Variants in UBE2Q2 observed in about 807,000 individuals in gnomAD.
The protein encoded by UBE2Q2 is ubiquitin-conjugating enzyme E2 Q2.
A neutral mutation model predicts 59.9 loss-of-function variants in UBE2Q2; 54 were observed. The observed-to-expected ratio is 0.90, with a 90% CI of 0.72 to 1.13. UBE2Q2 has a LOEUF of 1.13. UBE2Q2 is among the 50% of genes most tolerant of loss of function. UBE2Q2 has a pLI of 0.00. For missense variants in UBE2Q2, 433 were observed against 441.9 expected (o/e 0.98, Z 0.18); for synonymous variants, 165 against 155.2 (o/e 1.06, Z -0.47).
intron 3 of UBE2Q2, among the ~76,000 whole-genome samples, chr15:75,864,469 G>A (rs1897352666): frequency 6.6e-6 from 1 of 152,070 alleles, no homozygotes; most frequent in South Asian, 2.1e-4. Context: ...GGCCCAATAC[G>A]TCAATATTGC....
At chr15:75,880,736 T>A (rs1179830203) in intron 8 of UBE2Q2, among the ~76,000 whole-genome samples, 3 of 152,146 alleles carry the variant, frequency 2.0e-5, no homozygotes, top group Non-Finnish European at 4.4e-5. Flanking sequence ...CCTGACCTCA[T>A]GGTACACTTC....
chr15:75,883,278 T>C, intron 8 of UBE2Q2, 88 bp from the exon 9 acceptor site: 1 of 1,238,400 alleles, frequency 8.1e-7, no homozygotes, highest in Non-Finnish European at 1.1e-6. Context: ...AATGTACACA[T>C]TCTTTATAGT....
chr15:75,850,333 C>T (rs573207793), intron 1 of UBE2Q2, among the ~76,000 whole-genome samples: 1 of 152,246 alleles, frequency 6.6e-6, no homozygotes, highest in East Asian at 1.9e-4. Flanking sequence ...ATGTGTGTTC[C>T]CTCTCCCTTA....
At position 75,879,106 on chromosome 15, in the gene UBE2Q2, C is replaced by T. The variant is rs750193694; in HGVS notation, c.743C>T (p.Pro248Leu). 5.2e-5 allele frequency: 81 copies of T among 1,569,486 alleles called. No homozygotes were observed. Among genetic ancestry groups the T allele is most frequent in the Non-Finnish European group, 6.9e-5 (80 of 1,161,446 alleles). Residue 248 changes from proline (P) to leucine (L), a missense_variant, in exon 8 of 13, where the codon CCT (proline) becomes CTT (leucine). Pro to Leu is a moderately conservative substitution (Grantham distance 98). Transcript: ENST00000267938. ...TGTTTTGTAATTCTTAGGGTTGACC[C>T]TGATAGTCCTTTGCACAGTGATCTT... ...DWHVKLQKVD[P>L]DSPLHSDLQI...
At chr15:75,858,779 A>C (rs1179504171) in intron 2 of UBE2Q2, among the ~76,000 whole-genome samples, 3 of 152,172 alleles carry the variant, frequency 2.0e-5, no homozygotes, top group Non-Finnish European at 2.9e-5. Context: ...CTTAGCACGC[A>C]ATAGAGTGTA....
intron 3 of UBE2Q2, among the ~76,000 whole-genome samples, chr15:75,866,902 A>G (rs1897519984): frequency 6.6e-6 from 1 of 152,186 alleles, no homozygotes; most frequent in Non-Finnish European, 1.5e-5. Flanking sequence ...TATTTCCTTC[A>G]TTAGTAATGC....
At chr15:75,856,801 G>A (rs901234216) in intron 2 of UBE2Q2, among the ~76,000 whole-genome samples, 13 of 152,160 alleles carry the variant, frequency 8.5e-5, no homozygotes, top group South Asian at 8.3e-4. Flanking sequence ...AAATTTAGCC[G>A]GGTGTGGTGG....
At chr15:75,893,138 A>G (rs953292512) in intron 11 of UBE2Q2, among the ~76,000 whole-genome samples, 6 of 152,212 alleles carry the variant, frequency 3.9e-5, no homozygotes, top group South Asian at 4.1e-4. Flanking sequence ...AAGCAAGTCT[A>G]TATAAATCAG....
At chr15:75,846,889 C>T (rs1482690787) in intron 1 of UBE2Q2, among the ~76,000 whole-genome samples, 2 of 152,150 alleles carry the variant, frequency 1.3e-5, no homozygotes, top group East Asian at 1.9e-4. Context: ...CTGGCTTTTC[C>T]TTTCAGGTTT....
chr15:75,887,612 C>T (rs927077029), intron 9 of UBE2Q2, among the ~76,000 whole-genome samples: 1 of 149,908 alleles, frequency 6.7e-6, no homozygotes, highest in Admixed American at 6.6e-5. Flanking sequence ...ATCACCCTGG[C>T]TATTCATCTT....
chr15:75,859,917 A>G lies in UBE2Q2; in HGVS notation c.322A>G (p.Ser108Gly). The G allele has an allele frequency of 6.2e-7, 1 of 1,603,596 alleles. No homozygotes were observed. Among genetic ancestry groups the G allele is most frequent in the African/African-American group, 1.3e-5 (1 of 74,446 alleles). ...QLKWLICELC[S>G]LYNLPKHLDV... ...GAAGTGGTTGATATGTGAACTCTGC[A>G]GTTTATATAACCTTCCTAAGCACCT... Residue 108 changes from serine to glycine, a missense_variant, in exon 3 of 13, where the codon AGT becomes GGT. Ser to Gly is a moderately conservative substitution (Grantham distance 56, BLOSUM62 0). Transcript: ENST00000267938.
intron 3 of UBE2Q2, among the ~76,000 whole-genome samples, chr15:75,866,836 A>G (rs1338742085): frequency 6.6e-6 from 1 of 152,084 alleles, no homozygotes. Flanking sequence ...TATTTTGTGG[A>G]TGCAGTATCT....
At chr15:75,886,911 T>G (rs111282209) in intron 9 of UBE2Q2, among the ~76,000 whole-genome samples, 1,785 of 152,144 alleles carry the variant, frequency 0.012, 29 homozygotes, top group African/African-American at 0.04. Context: ...GATTATAAAA[T>G]TGGCCAGTAT....
chr15:75,882,270 CTG>C (rs1017859629), intron 8 of UBE2Q2, among the ~76,000 whole-genome samples: 31 of 152,274 alleles, frequency 2.0e-4, no homozygotes, highest in African/African-American at 7.5e-4. Context: ...GTCTGAGAGT[CTG>C]TTTCTGAGTT....
chr15:75,853,773 A>G (rs569967005), intron 1 of UBE2Q2, among the ~76,000 whole-genome samples: 3 of 152,270 alleles, frequency 2.0e-5, no homozygotes, highest in East Asian at 1.9e-4. Context: ...ATCCTAAGGC[A>G]GGATAGGGAG....
At chr15:75,848,149 A>C (rs1896452124) in intron 1 of UBE2Q2, among the ~76,000 whole-genome samples, 1 of 152,206 alleles carries the variant, frequency 6.6e-6, no homozygotes, top group Admixed American at 6.5e-5. Flanking sequence ...GAGCATATAG[A>C]GGAAAGCTCT....
chr15:75,893,242 A>G (rs931581946), intron 11 of UBE2Q2, among the ~76,000 whole-genome samples: 3 of 152,212 alleles, frequency 2.0e-5, no homozygotes, highest in Non-Finnish European at 4.4e-5. Context: ...TGAAGGTACA[A>G]AAAGGTTGAA....
chr15:75,856,269 G>GTGTGTATA (rs1256142539), intron 2 of UBE2Q2, among the ~76,000 whole-genome samples: 212 of 139,278 alleles, frequency 1.5e-3, no homozygotes, highest in Admixed American at 2.9e-3. Flanking sequence ...GTGTGTGTGT[G>GTGTGTATA]TATATATATA....
chr15:75,859,040 T>G (rs1897075406), intron 2 of UBE2Q2, among the ~76,000 whole-genome samples: 1 of 152,228 alleles, frequency 6.6e-6, no homozygotes, highest in Non-Finnish European at 1.5e-5. Flanking sequence ...CTGACCGAGT[T>G]AAGTGAGTTG....
Sources: gnomAD v4.1 joint callset for allele counts (sites outside exome capture counted in the v4.1 genomes callset) on GRCh38, gnomAD v4.1.1 for gene constraint, MANE v1.5 for transcripts, NCBI Gene and HGNC (gene_info 2026-07-23, HGNC 2026-07-21) for gene names.